AP3B1: variants seen among roughly 807,000 people sequenced by gnomAD.
AP3B1 encodes AP-3 complex subunit beta-1.
Under a neutral mutation model 132.5 loss-of-function variants are expected in AP3B1, and 61 were observed. The ratio of observed to expected loss-of-function variants is 0.46; its 90% confidence interval spans 0.37 to 0.57. AP3B1 has a LOEUF of 0.57. AP3B1 is among the 20% of genes least tolerant of loss of function. The probability of loss-of-function intolerance (pLI) is 0.00; values close to 1 mark genes in which losing one functional copy is unlikely to be tolerated. For missense variants in AP3B1, 1,120 were observed against 1,289.4 expected, an observed-to-expected ratio of 0.87 and a Z score of 2.01; for synonymous variants, 388 against 438.3, an observed-to-expected ratio of 0.89 and a Z score of 1.43.
intron 24 of AP3B1, among the ~76,000 whole-genome samples, chr5:78,025,331 C>G (rs1747295966): frequency 6.6e-6 from 1 of 152,128 alleles, no homozygotes; most frequent in Non-Finnish European, 1.5e-5. Context: ...AGAGAAGAGG[C>G]AGGAGATCTG....
chr5:78,028,353 G>A (rs979962124), intron 24 of AP3B1, among the ~76,000 whole-genome samples: 2 of 151,540 alleles, frequency 1.3e-5, no homozygotes, highest in African/African-American at 2.4e-5. Flanking sequence ...CCAGCTACTC[G>A]GGAGGCTGAG....
At chr5:78,252,627 T>G (rs902338657) in intron 2 of AP3B1, among the ~76,000 whole-genome samples, 11 of 152,124 alleles carry the variant, frequency 7.2e-5, no homozygotes, top group Non-Finnish European at 1.6e-4. Flanking sequence ...AGGTTGAGGC[T>G]CCTCTGCCTT....
In AP3B1 at chr5:78,057,463, A is replaced by C. The variant is rs76708608; in HGVS notation, c.2578-18189T>G. 3.9e-5 allele frequency among the ~76,000 whole-genome samples: 6 copies of C among 152,258 alleles called. No individual in the cohort carries two copies. The East Asian group carries it at 1.2e-3, about 29-fold the overall frequency. On this transcript the variant is annotated intron_variant, in intron 22 of 26. Coordinates refer to ENST00000255194, the MANE Select transcript of AP3B1 (RefSeq NM_003664.5). Reference sequence around the variant, plus strand: ...GGGAGATAATCATATGATATGAAACAATTTCCCGTCTCTTCTTGAGCTGGG... The same window carrying C: ...GGGAGATAATCATATGATATGAAACCATTTCCCGTCTCTTCTTGAGCTGGG...
intron 11 of AP3B1, among the ~76,000 whole-genome samples, chr5:78,166,118 CACACACA>C (rs1561451825): frequency 7.7e-3 from 2 of 260 alleles, no homozygotes; most frequent in Non-Finnish European, 0.016. Context: ...GAAACTCTGT[CACACACA>C]CACACACACA....
At chr5:78,043,543 C>A in intron 22 of AP3B1, 1 of 420,212 alleles carries the variant, frequency 2.4e-6, no homozygotes, top group South Asian at 2.1e-5. Context: ...TGTAAGTGCT[C>A]TTCACTACTT....
chr5:78,226,290 T>C (rs548436455), intron 5 of AP3B1, among the ~76,000 whole-genome samples: 1 of 152,238 alleles, frequency 6.6e-6, no homozygotes, highest in South Asian at 2.1e-4. Flanking sequence ...TAAAACCTTG[T>C]CTGGCAGTTA....
At chr5:78,189,754 A>C (rs1274170930) in intron 7 of AP3B1, among the ~76,000 whole-genome samples, 1 of 151,620 alleles carries the variant, frequency 6.6e-6, no homozygotes, top group Non-Finnish European at 1.5e-5. Flanking sequence ...CCTATAGTCC[A>C]AGCTACTTGG....
intron 7 of AP3B1, among the ~76,000 whole-genome samples, chr5:78,208,568 T>A (rs1580488056): frequency 6.6e-6 from 1 of 152,168 alleles, no homozygotes; most frequent in East Asian, 1.9e-4. Flanking sequence ...AATTTCCAGA[T>A]GTGGACCCAT....
intron 1 of AP3B1, among the ~76,000 whole-genome samples, chr5:78,287,790 T>C (rs1749344216): frequency 6.7e-6 from 1 of 149,112 alleles, no homozygotes; most frequent in African/African-American, 2.5e-5. Context: ...TTTACATATG[T>C]AGCAAGCAAA....
intron 2 of AP3B1, among the ~76,000 whole-genome samples, chr5:78,258,220 G>C (rs1243031885): frequency 6.6e-6 from 1 of 152,150 alleles, no homozygotes; most frequent in East Asian, 1.9e-4. Flanking sequence ...AAAGTGAAGA[G>C]ACAACTCATA....
intron 24 of AP3B1, among the ~76,000 whole-genome samples, chr5:78,024,157 G>A (rs916381638): frequency 6.6e-6 from 1 of 151,810 alleles, no homozygotes; most frequent in African/African-American, 2.4e-5. Flanking sequence ...TGGAGGGGAA[G>A]ACACAGTCAC....
At chr5:78,232,770 A>C (rs1243852697) in intron 3 of AP3B1, among the ~76,000 whole-genome samples, 1 of 151,762 alleles carries the variant, frequency 6.6e-6, no homozygotes, top group Admixed American at 6.6e-5. Flanking sequence ...GCAGTGGCAC[A>C]ATCTCGGCTC....
In AP3B1 at chr5:78,294,674, C is replaced by A; in HGVS notation, c.-95G>T. 1 of 1,588,684 alleles carries A rather than the reference C, an allele frequency of 6.3e-7. No individual in the cohort carries two copies. Among genetic ancestry groups the A allele is most frequent in the African/African-American group, 1.3e-5 (1 of 74,700 alleles). On this transcript the variant is annotated 5_prime_UTR_variant, in exon 1 of 27. Transcript: ENST00000255194. ...GCACGGAACAAAACTAGTTCTCGTACGGAGGAGCGCGCGCAGGCGCTTCCG... is the reference window on the plus strand; with the variant it reads ...GCACGGAACAAAACTAGTTCTCGTAAGGAGGAGCGCGCGCAGGCGCTTCCG...
chr5:78,035,308 G>T (rs988625280), intron 23 of AP3B1, among the ~76,000 whole-genome samples: 8 of 151,794 alleles, frequency 5.3e-5, no homozygotes, highest in African/African-American at 9.7e-5. Context: ...GTCCATTTTT[G>T]ATTTCTACTT....
chr5:78,079,020 G>T (rs1443779400), intron 22 of AP3B1, among the ~76,000 whole-genome samples: 1 of 152,164 alleles, frequency 6.6e-6, no homozygotes, highest in Non-Finnish European at 1.5e-5. Context: ...CTATATTCAT[G>T]AATACATTGC....
At chr5:78,214,371 AG>A (rs1561481491) in intron 7 of AP3B1, among the ~76,000 whole-genome samples, 1 of 152,252 alleles carries the variant, frequency 6.6e-6, no homozygotes, top group Admixed American at 6.5e-5. Flanking sequence ...ATAAAATTCA[AG>A]GAACAGAAAA....
chr5:78,257,900 A>G (rs988108946), intron 2 of AP3B1, among the ~76,000 whole-genome samples: 3 of 152,138 alleles, frequency 2.0e-5, no homozygotes, highest in Non-Finnish European at 1.5e-5. Flanking sequence ...TGCGAAGAGC[A>G]TACACTGAGG....
intron 26 of AP3B1, among the ~76,000 whole-genome samples, chr5:78,005,314 T>C (rs937989656): frequency 2.0e-5 from 3 of 152,240 alleles, no homozygotes; most frequent in African/African-American, 7.2e-5. Flanking sequence ...ACAAAAGCAC[T>C]GTTGTTTGAA....
rs1017721937 is a variant in AP3B1 at position 78,023,013 on chromosome 5, T to C, written c.2895-2224A>G. On this transcript the variant is annotated intron_variant, in intron 24 of 26. Coordinates refer to ENST00000255194, the MANE Select transcript of AP3B1 (RefSeq NM_003664.5). ...TTCAAAGTCCACATTTATTCCACTA[T>C]AATATACAGCTTCCCCAGGGTGGGT... is the stretch of plus-strand genomic sequence containing the variant. 2.0e-5 allele frequency among the ~76,000 whole-genome samples: 3 copies of C among 152,162 alleles called. No homozygotes were observed. The East Asian group carries it at 5.8e-4, about 29-fold the overall frequency.
Sources: gnomAD v4.1 joint callset for allele counts (sites outside exome capture counted in the v4.1 genomes callset) on GRCh38, gnomAD v4.1.1 for gene constraint, MANE v1.5 for transcripts, NCBI Gene and HGNC (gene_info 2026-07-23, HGNC 2026-07-21) for gene names.